Variants in EPG5 observed in about 807,000 individuals in gnomAD.
The protein encoded by EPG5 is ectopic P-granules 5 autophagy tethering factor.
EPG5 carries 159 observed loss-of-function variants against 302.7 expected under a neutral mutation model. That is an observed-to-expected ratio of 0.53 (90% CI 0.46 to 0.60). The LOEUF is 0.60. Among genes scored for constraint, EPG5 ranks in the 20% least tolerant of loss-of-function variants. EPG5 has a pLI of 0.00. For synonymous variants in EPG5, 1,158 were observed against 1,136.8 expected (o/e 1.02, Z -0.37); for missense variants, 2,896 against 3,092.4 (o/e 0.94, Z 1.51).
At chr18:45,899,615 T>C (rs762778257) in intron 26 of EPG5, 49 bp from the exon 27 acceptor site, 33 of 1,598,798 alleles carry the variant, frequency 2.1e-5, no homozygotes, top group Non-Finnish European at 2.7e-5. Context: ...AAAGGTTATA[T>C]GATAGGTGAT....
chr18:45,832,152 A>G, the EPG5 span, among the ~76,000 whole-genome samples: 1 of 152,250 alleles, frequency 6.6e-6, no homozygotes, highest in Non-Finnish European at 1.5e-5. Context: ...GCTGTGTGTG[A>G]GGCACTGTGT....
rs769290826 is a variant in EPG5, at chr18:45,955,175, T to C, written c.227A>G (p.Asn76Ser). The C allele has an allele frequency of 3.1e-6, 5 of 1,614,020 alleles. No homozygotes were observed. The highest frequency in any genetic ancestry group is 4.5e-5 in the East Asian group (2 of 44,892). Residue 76 changes from asparagine to serine, a missense_variant, in exon 2 of 44, where the codon AAT (asparagine) becomes AGT (serine). Physicochemically the swap from Asn to Ser is conservative, Grantham distance 46. Coordinates refer to ENST00000282041, the MANE Select transcript of EPG5 (RefSeq NM_020964.3). ...SQLQDDASGQNESEMFDVPLT... is the reference protein window; with the variant it reads ...SQLQDDASGQSESEMFDVPLT... ...TGGTACATCAAACATTTCACTCTCA[T>C]TTTGTCCACTGGCATCATCCTGGAG...
intron 1 of EPG5, among the ~76,000 whole-genome samples, chr18:45,958,408 C>T (rs1391736189): frequency 6.6e-6 from 1 of 152,172 alleles, no homozygotes; most frequent in Non-Finnish European, 1.5e-5. Flanking sequence ...AGAACTCGCA[C>T]TTGGCAATTC....
intron 33 of EPG5, among the ~76,000 whole-genome samples, 171 bp from the exon 34 acceptor site, chr18:45,878,619 A>T (rs2049022422): frequency 6.6e-6 from 1 of 152,242 alleles, no homozygotes; most frequent in Admixed American, 6.5e-5. Context: ...CATTGGCTAC[A>T]CTGGAATTTC....
intron 25 of EPG5, among the ~76,000 whole-genome samples, chr18:45,903,167 G>A (rs1217572089): frequency 1.3e-5 from 2 of 151,986 alleles, no homozygotes; most frequent in African/African-American, 4.8e-5. Flanking sequence ...CTACGTTGTT[G>A]GCTTGAGGGC....
chr18:45,890,247 C>A (rs1275814309), intron 27 of EPG5: 2 of 206,142 alleles, frequency 9.7e-6, no homozygotes, highest in Non-Finnish European at 2.0e-5. Context: ...GCTCCCCAGC[C>A]GTAGCCCTTC....
At chr18:45,852,957 C>T (rs189780212) in intron 43 of EPG5, among the ~76,000 whole-genome samples, 104 of 152,342 alleles carry the variant, frequency 6.8e-4, no homozygotes, top group African/African-American at 2.4e-3. Context: ...GCTCTTGTTG[C>T]TGGGCGCCTC....
chr18:45,837,562 G>C, the EPG5 span: 1 of 1,516,302 alleles, frequency 6.6e-7, no homozygotes, highest in Non-Finnish European at 8.8e-7. Context: ...AGGTGAGCGC[G>C]GAGGCAGGCG....
chr18:45,830,119 C>T, the EPG5 span, among the ~76,000 whole-genome samples: 3 of 128,538 alleles, frequency 2.3e-5, no homozygotes, highest in Non-Finnish European at 3.4e-5. Context: ...AGCGTGACTA[C>T]GCCCACAGAA....
rs1346317968 is a variant in EPG5, at chr18:45,850,040, T to C, written c.*2427A>G. The C allele has an allele frequency of 1.3e-5, 2 of 152,136 alleles. No homozygotes were observed. The highest frequency in any genetic ancestry group is 2.9e-5 in the Non-Finnish European group (2 of 68,042). 9.4% of individuals were successfully genotyped at this position (152,136 alleles called of 1,614,324 possible). A position where few individuals can be genotyped will look rare whatever the true frequency, so the allele number is the denominator to read the frequency against. On this transcript the variant is annotated 3_prime_UTR_variant, in exon 44 of 44. Transcript: ENST00000282041. ...CTGTGCACTGCAGCATGGGGAGTGA[T>C]GGAGAGGGAGAGAGATGTTTTTCAT...
intron 22 of EPG5, 110 bp downstream of exon 22, chr18:45,912,180 T>G: frequency 9.9e-7 from 1 of 1,012,758 alleles, no homozygotes; most frequent in South Asian, 2.2e-5. Context: ...TCACCAGAGA[T>G]CACCAAAGAA....
In EPG5 at chr18:45,896,904, T is replaced by A. The variant is rs1376035305; in HGVS notation, c.4809+2500A>T. Among the ~76,000 whole-genome samples, 3 of 152,238 alleles carry A rather than the reference T, an allele frequency of 2.0e-5. No homozygotes were observed. In the East Asian group the frequency reaches 5.8e-4, roughly 29 times the overall value. On this transcript the variant is annotated intron_variant, in intron 27 of 43. Coordinates refer to ENST00000282041, the MANE Select transcript of EPG5 (RefSeq NM_020964.3). ...ACTTTGGTATGTTTGTAAAAACATC[T>A]AAGCCATGTTCACATCAGTCCTTAT...
chr18:45,923,222 G>A, intron 15 of EPG5, 46 bp downstream of exon 15: 1 of 1,596,902 alleles, frequency 6.3e-7, no homozygotes, highest in African/African-American at 1.3e-5. Context: ...TAAATGTCTT[G>A]GGAAGATAAA....
At chr18:45,823,165 T>TG in the EPG5 span, among the ~76,000 whole-genome samples, 1 of 151,996 alleles carries the variant, frequency 6.6e-6, no homozygotes, top group Non-Finnish European at 1.5e-5. Context: ...TGAGATTCAA[T>TG]GGGGTGGGAG....
chr18:45,854,526 C>A (rs1475590571), intron 43 of EPG5, among the ~76,000 whole-genome samples: 3 of 150,402 alleles, frequency 2.0e-5, no homozygotes, highest in South Asian at 4.2e-4. Context: ...CTTAGCCTTT[C>A]TCTCTCTCTC....
Position 45,954,681 on chromosome 18 carries a change from G to T in EPG5, c.721C>A (p.Arg241=). ...TGAGACGGGAGTTCTGGGTAGAGTC[G>T]CTCACTGCGAAGCAAGGGTTTCACT... The part of the protein sequence containing the change: ...VAVKPLLRSE[R]LYPELPSQLE... Residue 241 remains arginine (R), a synonymous_variant, in exon 2 of 44, where the codon CGA becomes AGA. Transcript: ENST00000282041. 1 of 1,614,208 alleles carries T rather than the reference G, an allele frequency of 6.2e-7. No individual in the cohort carries two copies. Among genetic ancestry groups the T allele is most frequent in the East Asian group, 2.2e-5 (1 of 44,884 alleles).
chr18:45,903,682 C>T (rs1025312923), intron 25 of EPG5, among the ~76,000 whole-genome samples: 3 of 152,066 alleles, frequency 2.0e-5, no homozygotes, highest in African/African-American at 7.2e-5. Context: ...CTGGGAGAAA[C>T]AAGTAACTTA....
At chr18:45,842,275 T>G in the EPG5 span, 1 of 1,481,530 alleles carries the variant, frequency 6.7e-7, no homozygotes, top group African/African-American at 1.4e-5. Context: ...GTCCTGGTTC[T>G]CGGGCACCTT....
the EPG5 span, among the ~76,000 whole-genome samples, chr18:45,839,509 G>C: frequency 5.7e-4 from 87 of 152,188 alleles, no homozygotes; most frequent in Non-Finnish European, 1.1e-3. Flanking sequence ...ATATGGCATG[G>C]TCCCCTGCCC....
Sources: gnomAD v4.1 joint callset for allele counts (sites outside exome capture counted in the v4.1 genomes callset) on GRCh38, gnomAD v4.1.1 for gene constraint, MANE v1.5 for transcripts, NCBI Gene and HGNC (gene_info 2026-07-23, HGNC 2026-07-21) for gene names.